Variants in GPC6 observed in about 807,000 individuals in gnomAD.
GPC6 encodes glypican 6.
Under a neutral mutation model 55.2 loss-of-function variants are expected in GPC6, and 14 were observed. The observed-to-expected ratio is 0.25, with a 90% CI of 0.17 to 0.40. The LOEUF is 0.40. Ranked by LOEUF, GPC6 falls within the 10% of genes least tolerant of loss-of-function variation. GPC6 has a pLI of 1.00. For missense variants in GPC6, 641 were observed against 708.5 expected, an observed-to-expected ratio of 0.90 and a Z score of 1.08; for synonymous variants, 278 against 259.6, an observed-to-expected ratio of 1.07 and a Z score of -0.68.
In GPC6 at chr13:94,230,282, C is replaced by T. The variant is rs182893052; in HGVS notation, c.878-56067C>T. 1.5e-3 allele frequency among the ~76,000 whole-genome samples: 233 copies of T among 152,202 alleles called. 1 individual carries two copies. The highest frequency in any genetic ancestry group is 1.7e-3 in the East Asian group (9 of 5,178). ...GAGAAAACTGGTGACTAGAAATGCCCAAGTCCTGCTCCAGGTCACATGGCT... is the reference window on the plus strand; with the variant it reads ...GAGAAAACTGGTGACTAGAAATGCCTAAGTCCTGCTCCAGGTCACATGGCT... On this transcript the variant is annotated intron_variant, in intron 4 of 8. Transcript: ENST00000377047.
chr13:93,306,063 G>A (rs1370616973), intron 1 of GPC6, among the ~76,000 whole-genome samples: 3 of 152,172 alleles, frequency 2.0e-5, no homozygotes, highest in Admixed American at 2.0e-4. Context: ...AATCCACAGA[G>A]TTTATAACAT....
In GPC6 at chr13:93,422,307, T is replaced by C. The variant is rs1876951913; in HGVS notation, c.161-122956T>C. Among the ~76,000 whole-genome samples the C allele has an allele frequency of 4.6e-5, 7 of 152,338 alleles. No individual in the cohort carries two copies. In the South Asian group the frequency reaches 1.4e-3, roughly 32 times the overall value. On this transcript the variant is annotated intron_variant, in intron 1 of 8. Transcript: ENST00000377047. ...ATTTAGAGAAATGATCATAATGACA[T>C]GCTGTGTTCACAAGTGAGATTTTCT...
chr13:93,864,197 C>T (rs961459078), intron 3 of GPC6, among the ~76,000 whole-genome samples: 4 of 151,636 alleles, frequency 2.6e-5, no homozygotes, highest in South Asian at 4.1e-4. Flanking sequence ...TATTTGAATA[C>T]TTCATTGTAT....
chr13:94,204,084 T>C (rs1053510666), intron 4 of GPC6, among the ~76,000 whole-genome samples: 2 of 152,158 alleles, frequency 1.3e-5, no homozygotes, highest in African/African-American at 4.8e-5. Flanking sequence ...AAATCATTGC[T>C]TTGGGTTTTT....
chr13:93,711,210 T>C (rs926162757), intron 2 of GPC6, among the ~76,000 whole-genome samples: 1 of 151,820 alleles, frequency 6.6e-6, no homozygotes, highest in African/African-American at 2.4e-5. Flanking sequence ...CAAGGTCTTG[T>C]GTAGCTGTTT....
chr13:93,384,918 CTG>C (rs1223309991), intron 1 of GPC6, among the ~76,000 whole-genome samples: 1 of 152,232 alleles, frequency 6.6e-6, no homozygotes, highest in African/African-American at 2.4e-5. Context: ...GTGCCAGGCA[CTG>C]TGTTAGGCAC....
chr13:93,329,696 A>G (rs1879773138), intron 1 of GPC6, among the ~76,000 whole-genome samples: 1 of 152,164 alleles, frequency 6.6e-6, no homozygotes. Flanking sequence ...CCCTTATGGT[A>G]GTCTTCCAGG....
At chr13:94,227,853 A>C (rs1204576985) in intron 4 of GPC6, among the ~76,000 whole-genome samples, 1 of 152,182 alleles carries the variant, frequency 6.6e-6, no homozygotes, top group African/African-American at 2.4e-5. Context: ...GAAAGAAAAC[A>C]ATGAAAGAGC....
At chr13:93,705,253 C>T (rs896307258) in intron 2 of GPC6, among the ~76,000 whole-genome samples, 5 of 151,904 alleles carry the variant, frequency 3.3e-5, no homozygotes, top group African/African-American at 1.2e-4. Flanking sequence ...GGTTTGGTCT[C>T]GATAAGTGCT....
intron 1 of GPC6, among the ~76,000 whole-genome samples, chr13:93,379,110 T>C (rs566439202): frequency 2.0e-5 from 3 of 152,214 alleles, no homozygotes; most frequent in African/African-American, 7.2e-5. Context: ...CCTCTACAAA[T>C]TTCCGTAATG....
intron 1 of GPC6, among the ~76,000 whole-genome samples, chr13:93,371,653 T>A (rs1482432965): frequency 1.3e-5 from 2 of 151,938 alleles, no homozygotes. Context: ...GTTCAGACAA[T>A]GGACAAATAA....
rs190709400 is a variant in GPC6, at chr13:93,337,343, G to A, written c.160+109727G>A. 1.1e-4 allele frequency among the ~76,000 whole-genome samples: 17 copies of A among 152,258 alleles called. No individual in the cohort carries two copies. In the East Asian group the frequency reaches 1.2e-3, roughly 10 times the overall value. ...CTCAAGGTTTTATACAACTTGATAT[G>A]CTACCTACTACTAGTCTTCCAGTTC... On this transcript the variant is annotated intron_variant, in intron 1 of 8. Transcript: ENST00000377047.
chr13:94,113,705 C>T (rs1244880166), intron 4 of GPC6, among the ~76,000 whole-genome samples: 1 of 151,804 alleles, frequency 6.6e-6, no homozygotes, highest in Admixed American at 6.6e-5. Context: ...GTATTTAGAC[C>T]GTGCTAGGTG....
At chr13:93,651,252 ATT>A (rs75108970) in intron 2 of GPC6, among the ~76,000 whole-genome samples, 14 of 148,456 alleles carry the variant, frequency 9.4e-5, no homozygotes, top group African/African-American at 2.5e-4. Context: ...GAATCTACCT[ATT>A]TTTTTTTTTC....
intron 1 of GPC6, among the ~76,000 whole-genome samples, chr13:93,486,337 C>A (rs1338869760): frequency 1.3e-5 from 2 of 152,068 alleles, no homozygotes; most frequent in African/African-American, 4.8e-5. Context: ...TGTTCATGGC[C>A]TGCAGTGGTC....
chr13:93,269,690 C>T (rs1306770192), intron 1 of GPC6, among the ~76,000 whole-genome samples: 2 of 150,638 alleles, frequency 1.3e-5, no homozygotes, highest in Non-Finnish European at 2.9e-5. Flanking sequence ...CTTTGGGAGG[C>T]CAAGGTGGGC....
intron 1 of GPC6, among the ~76,000 whole-genome samples, chr13:93,473,786 T>C (rs1048676575): frequency 2.6e-5 from 4 of 152,128 alleles, no homozygotes; most frequent in Non-Finnish European, 5.9e-5. Flanking sequence ...ACCTCCTCCC[T>C]GTGTCCTCCC....
intron 1 of GPC6, among the ~76,000 whole-genome samples, chr13:93,405,341 C>T (rs1876246164): frequency 6.6e-6 from 1 of 152,102 alleles, no homozygotes; most frequent in African/African-American, 2.4e-5. Flanking sequence ...CAAAAATGGA[C>T]CAGATTCAGC....
intron 6 of GPC6, among the ~76,000 whole-genome samples, chr13:94,352,511 C>G (rs9516401): frequency 6.6e-6 from 1 of 152,126 alleles, no homozygotes; most frequent in African/African-American, 2.4e-5. Flanking sequence ...ATTCTCGGGG[C>G]TTCCTCACTG....
Sources: gnomAD v4.1 joint callset for allele counts (sites outside exome capture counted in the v4.1 genomes callset) on GRCh38, gnomAD v4.1.1 for gene constraint, MANE v1.5 for transcripts, NCBI Gene and HGNC (gene_info 2026-07-23, HGNC 2026-07-21) for gene names.